The following TMEM178B variants were observed in gnomAD, a reference collection of about 807,000 sequenced individuals.
TMEM178B encodes transmembrane protein 178B.
Under a neutral mutation model 31.0 loss-of-function variants are expected in TMEM178B, and 5 were observed. The ratio of observed to expected loss-of-function variants is 0.16; its 90% CI spans 0.08 to 0.34. The LOEUF (loss-of-function observed/expected upper bound fraction) is 0.34, where lower values mean the gene tolerates loss of function less well. TMEM178B is among the 10% of genes least tolerant of loss of function. The pLI, the probability that TMEM178B is intolerant of heterozygous loss-of-function variation, is 1.00. For synonymous variants in TMEM178B, 164 were observed against 164.0 expected, an observed-to-expected ratio of 1.00 and a Z score of 0.00; for missense variants, 275 against 400.3, an observed-to-expected ratio of 0.69 and a Z score of 2.67.
In TMEM178B at chr7:141,253,626, C is replaced by T. The variant is rs139404946; in HGVS notation, c.496+40922C>T. On this transcript the variant is annotated intron_variant, in intron 2 of 3. Coordinates refer to ENST00000565468, the MANE Select transcript of TMEM178B (RefSeq NM_001195278.2). ...ACTGCAATAGCAGGATCTCAGCTCA[C>T]GGCAACCTCCGCCTCCCAGGTTCAG... Among the ~76,000 whole-genome samples, 594 of 140,020 alleles carry T rather than the reference C, an allele frequency of 4.2e-3. 1 individual carries two copies. The highest frequency in any genetic ancestry group is 0.014 in the African/African-American group (545 of 39,214). The allele number at this position is 140,020 out of a possible 152,430, so 91.9% of individuals were successfully genotyped here. A position where few individuals can be genotyped will look rare whatever the true frequency, so the allele number is the denominator to read the frequency against.
At chr7:141,276,328 G>A (rs978643342) in intron 2 of TMEM178B, among the ~76,000 whole-genome samples, 3 of 152,136 alleles carry the variant, frequency 2.0e-5, no homozygotes, top group African/African-American at 7.2e-5. Context: ...AGAGAAATGA[G>A]TTTGTATTAG....
Position 141,187,403 on chromosome 7 carries a change from C to A in TMEM178B, c.383-25188C>A, listed in dbSNP as rs956853402. Among the ~76,000 whole-genome samples the A allele has an allele frequency of 2.6e-5, 4 of 152,132 alleles. No homozygotes were observed. The South Asian group carries it at 8.3e-4, about 32-fold the overall frequency. The stretch of plus-strand genomic sequence containing the variant: ...TATGAATAGTGCCGCTATAAACATA[C>A]GTGTGCATGTGTCTTTGTAGCAGCA... On this transcript the variant is annotated intron_variant, in intron 1 of 3. Coordinates refer to ENST00000565468, the MANE Select transcript of TMEM178B (RefSeq NM_001195278.2).
At chr7:141,095,691 C>T (rs1794948554) in intron 1 of TMEM178B, among the ~76,000 whole-genome samples, 1 of 152,152 alleles carries the variant, frequency 6.6e-6, no homozygotes, top group Admixed American at 6.5e-5. Context: ...CCCTGAGCCA[C>T]CTCACCAATA....
chr7:141,245,999 A>AT (rs35792990), intron 2 of TMEM178B, among the ~76,000 whole-genome samples: 2,930 of 148,532 alleles, frequency 0.02, 70 homozygotes, highest in African/African-American at 0.065. Context: ...AAATGATGCG[A>AT]TTTTTTTTTT....
intron 2 of TMEM178B, among the ~76,000 whole-genome samples, chr7:141,323,973 G>T (rs114418493): frequency 6.6e-5 from 10 of 152,204 alleles, no homozygotes; most frequent in African/African-American, 2.4e-4. Context: ...AAGGGGTCAA[G>T]CAAATTGCAG....
chr7:141,365,809 C>T (rs1799994530), intron 2 of TMEM178B, among the ~76,000 whole-genome samples: 1 of 152,238 alleles, frequency 6.6e-6, no homozygotes, highest in Non-Finnish European at 1.5e-5. Context: ...TCTTACCTGA[C>T]ATCCTAATTA....
intron 2 of TMEM178B, among the ~76,000 whole-genome samples, chr7:141,231,970 A>G (rs1454235291): frequency 1.3e-5 from 2 of 151,602 alleles, no homozygotes; most frequent in African/African-American, 4.8e-5. Context: ...GCCACCCCCA[A>G]CCCTACAGGC....
intron 2 of TMEM178B, among the ~76,000 whole-genome samples, chr7:141,425,661 G>A (rs1384777623): frequency 6.6e-6 from 1 of 152,186 alleles, no homozygotes. Context: ...TCTTGGTCTT[G>A]CGTTTTACCC....
intron 2 of TMEM178B, among the ~76,000 whole-genome samples, chr7:141,356,016 C>T (rs550401158): frequency 6.6e-6 from 1 of 152,342 alleles, no homozygotes; most frequent in East Asian, 1.9e-4. Flanking sequence ...ACGCCAGCTG[C>T]AACCATGTTG....
chr7:141,143,772 T>G (rs567077053), intron 1 of TMEM178B, among the ~76,000 whole-genome samples: 1 of 152,144 alleles, frequency 6.6e-6, no homozygotes, highest in South Asian at 2.1e-4. Flanking sequence ...GGTATCTTGA[T>G]AGGAATAGCA....
chr7:141,192,125 A>G (rs771354291), intron 1 of TMEM178B, among the ~76,000 whole-genome samples: 3 of 152,220 alleles, frequency 2.0e-5, no homozygotes, highest in Admixed American at 6.5e-5. Context: ...CTATTACTAT[A>G]TAGTAAATTC....
intron 1 of TMEM178B, among the ~76,000 whole-genome samples, chr7:141,079,975 A>G (rs1794656711): frequency 6.6e-6 from 1 of 152,196 alleles, no homozygotes; most frequent in African/African-American, 2.4e-5. Flanking sequence ...CTCTACCATC[A>G]TCTTAGAATC....
chr7:141,483,401 TTC>T (rs988831290), downstream of TMEM178B, among the ~76,000 whole-genome samples: 3 of 152,210 alleles, frequency 2.0e-5, no homozygotes, highest in African/African-American at 4.8e-5. Flanking sequence ...GCGGTCTCCT[TTC>T]TCTCTGCTTC....
At chr7:141,325,423 C>A (rs537015065) in intron 2 of TMEM178B, among the ~76,000 whole-genome samples, 2 of 152,244 alleles carry the variant, frequency 1.3e-5, no homozygotes, top group South Asian at 4.2e-4. Flanking sequence ...GAGCTGCCTA[C>A]CCACAACAAG....
At chr7:141,359,672 G>A (rs2116544207) in intron 2 of TMEM178B, among the ~76,000 whole-genome samples, 1 of 152,230 alleles carries the variant, frequency 6.6e-6, no homozygotes, top group South Asian at 2.1e-4. Flanking sequence ...CAGAATTGGG[G>A]GCTGTTTTTA....
intron 3 of TMEM178B, among the ~76,000 whole-genome samples, chr7:141,446,799 A>G (rs1801768219): frequency 6.6e-6 from 1 of 152,124 alleles, no homozygotes; most frequent in Non-Finnish European, 1.5e-5. Flanking sequence ...GAGTTAATAC[A>G]TGTGAAGGGC....
chr7:141,328,144 G>C (rs1226986341), intron 2 of TMEM178B, among the ~76,000 whole-genome samples: 1 of 152,186 alleles, frequency 6.6e-6, no homozygotes, highest in African/African-American at 2.4e-5. Flanking sequence ...GGTAAGGTTG[G>C]CTCCTGAGGG....
chr7:141,451,623 C>T (rs1302063679), intron 3 of TMEM178B, among the ~76,000 whole-genome samples: 1 of 152,152 alleles, frequency 6.6e-6, no homozygotes, highest in African/African-American at 2.4e-5. Flanking sequence ...ACGGCCATCT[C>T]ATTATGCATG....
rs116446112 is a variant in TMEM178B at position 141,222,924 on chromosome 7, T to A, written c.496+10220T>A. Among the ~76,000 whole-genome samples, 697 of 152,338 alleles carry A rather than the reference T, an allele frequency of 4.6e-3. 3 individuals are homozygous for A. Among genetic ancestry groups the A allele is most frequent in the African/African-American group, 0.016 (657 of 41,582 alleles). On this transcript the variant is annotated intron_variant, in intron 2 of 3. Transcript: ENST00000565468. ...CAGCAGCAGAAGCAGCTCTTTAATT[T>A]ATCAGTTGTGCCCAATAAGAATGCA...
Sources: gnomAD v4.1 joint callset for allele counts (sites outside exome capture counted in the v4.1 genomes callset) on GRCh38, gnomAD v4.1.1 for gene constraint, MANE v1.5 for transcripts, NCBI Gene and HGNC (gene_info 2026-07-23, HGNC 2026-07-21) for gene names.